Variants in OLFM3 observed in about 807,000 individuals in gnomAD.
OLFM3 encodes the protein noelin-3.
A neutral mutation model predicts 48.6 loss-of-function variants in OLFM3; 20 were observed. The ratio of observed to expected loss-of-function variants is 0.41; its 90% confidence interval spans 0.29 to 0.60. The LOEUF (loss-of-function observed/expected upper bound fraction) is 0.60. Ranked by LOEUF, OLFM3 falls within the 20% of genes least tolerant of loss-of-function variation. The pLI is 0.28. For missense variants in OLFM3, 437 were observed against 544.3 expected (o/e 0.80, Z 1.96); for synonymous variants, 222 against 198.1 (o/e 1.12, Z -1.01).
At chr1:101,877,544 T>A (rs1446146602) in intron 1 of OLFM3, among the ~76,000 whole-genome samples, 1 of 151,974 alleles carries the variant, frequency 6.6e-6, no homozygotes, top group Admixed American at 6.6e-5. Context: ...AAGTTACTTT[T>A]GTATATTTTA....
chr1:101,941,612 G>A (rs1016405387), intron 1 of OLFM3, among the ~76,000 whole-genome samples: 4 of 152,148 alleles, frequency 2.6e-5, no homozygotes, highest in African/African-American at 9.7e-5. Flanking sequence ...GGGAAATCTA[G>A]AGACATCACA....
intron 1 of OLFM3, among the ~76,000 whole-genome samples, chr1:101,912,911 CA>C (rs1570624752): frequency 1.3e-5 from 2 of 152,100 alleles, no homozygotes. Flanking sequence ...ATAAAAAACA[CA>C]GGGAAGGAAG....
In OLFM3 at chr1:101,830,571, A is replaced by T. The variant is rs111360955; in HGVS notation, c.372+101T>A. 3.4e-3 allele frequency: 4,210 copies of T among 1,242,568 alleles called. 36 individuals are homozygous for T. The highest frequency in any genetic ancestry group is 3.3e-3 in the Admixed American group (183 of 55,408). The allele number at this position is 1,242,568 out of a possible 1,614,324, so 77.0% of individuals were successfully genotyped here. A position where few individuals can be genotyped will look rare whatever the true frequency, so the allele number is the denominator to read the frequency against. On this transcript the variant is annotated intron_variant, in intron 3 of 5. Coordinates refer to ENST00000370103, the MANE Select transcript of OLFM3 (RefSeq NM_058170.4). Reference sequence around the variant, plus strand: ...CCCCCATGAGTCTTTTACCTTGCACATATGGGCCAATGCACATTCATTTCT... The same window carrying T: ...CCCCCATGAGTCTTTTACCTTGCACTTATGGGCCAATGCACATTCATTTCT...
chr1:101,893,182 A>G lies in OLFM3; in HGVS notation c.70-56157T>C, dbSNP rs1034069201. ...TCAGTAACCTTAGAAGATTTATATG[A>G]TGCTGCAACAAGAAAACAGGCTCTG... On this transcript the variant is annotated intron_variant, in intron 1 of 5. Coordinates refer to ENST00000370103, the MANE Select transcript of OLFM3 (RefSeq NM_058170.4). 4.4e-5 allele frequency: 13 copies of G among 295,254 alleles called. 1 individual carries two copies. The highest frequency in any genetic ancestry group is 1.3e-3 in the Middle Eastern group (1 of 778). 18.3% of individuals were successfully genotyped at this position (295,254 alleles called of 1,614,324 possible). A position where few individuals can be genotyped will look rare whatever the true frequency, so the allele number is the denominator to read the frequency against.
At chr1:101,828,009 GCTCTCTCT>G (rs71655097) in intron 3 of OLFM3, among the ~76,000 whole-genome samples, 6 of 135,974 alleles carry the variant, frequency 4.4e-5, no homozygotes, top group South Asian at 2.4e-4. Context: ...CTGCATTCAT[GCTCTCTCT>G]CTCTCTCTCT....
chr1:101,996,331 T>G (rs1661555098), intron 1 of OLFM3, among the ~76,000 whole-genome samples: 1 of 152,196 alleles, frequency 6.6e-6, no homozygotes, highest in South Asian at 2.1e-4. Context: ...CAGGATCAGC[T>G]GGAAAACGCT....
chr1:101,818,241 G>C (rs538103764), intron 4 of OLFM3, among the ~76,000 whole-genome samples: 47 of 151,972 alleles, frequency 3.1e-4, no homozygotes, highest in African/African-American at 1.1e-3. Context: ...ACTTGACTTT[G>C]GAAATACAGG....
At chr1:101,839,985 C>T (rs1557697501) in intron 1 of OLFM3, among the ~76,000 whole-genome samples, 2 of 152,178 alleles carry the variant, frequency 1.3e-5, no homozygotes, top group South Asian at 2.1e-4. Context: ...GAGTGCTTGA[C>T]AGTCCTGTGG....
At chr1:101,807,485 A>G (rs1160336383) in intron 4 of OLFM3, among the ~76,000 whole-genome samples, 2 of 151,744 alleles carry the variant, frequency 1.3e-5, no homozygotes, top group East Asian at 3.9e-4. Context: ...AAAGAAAAGA[A>G]CACATACCCA....
chr1:101,994,305 CA>C (rs1433312148), intron 1 of OLFM3, among the ~76,000 whole-genome samples: 1 of 150,726 alleles, frequency 6.6e-6, no homozygotes, highest in Non-Finnish European at 1.5e-5. Context: ...TATTAGTATG[CA>C]AAAAGGCAGT....
At chr1:101,988,902 T>C (rs1661322944) in intron 1 of OLFM3, among the ~76,000 whole-genome samples, 1 of 152,106 alleles carries the variant, frequency 6.6e-6, no homozygotes, top group South Asian at 2.1e-4. Context: ...TGATTAGGAA[T>C]TGTTTTGCAA....
intron 4 of OLFM3, among the ~76,000 whole-genome samples, chr1:101,821,743 G>T (rs192846202): frequency 1.8e-4 from 27 of 152,090 alleles, no homozygotes; most frequent in African/African-American, 6.3e-4. Flanking sequence ...TGAAATGTGG[G>T]AACTATTTTC....
At chr1:101,883,091 T>G (rs1451984895) in intron 1 of OLFM3, among the ~76,000 whole-genome samples, 1 of 151,766 alleles carries the variant, frequency 6.6e-6, no homozygotes, top group Admixed American at 6.6e-5. Context: ...GAAGATCAAG[T>G]GAGCCTAAGG....
intron 1 of OLFM3, among the ~76,000 whole-genome samples, chr1:101,940,182 G>A (rs1387084507): frequency 6.6e-6 from 1 of 151,938 alleles, no homozygotes; most frequent in African/African-American, 2.4e-5. Flanking sequence ...GATGTTTCCA[G>A]CCAGTAATAT....
chr1:101,963,848 T>C (rs1660536111), intron 1 of OLFM3, among the ~76,000 whole-genome samples: 2 of 152,144 alleles, frequency 1.3e-5, no homozygotes, highest in South Asian at 4.1e-4. Flanking sequence ...TTTTTTTTTC[T>C]TTTACACTGT....
chr1:101,829,541 T>C (rs1286728739), intron 3 of OLFM3, among the ~76,000 whole-genome samples: 1 of 152,212 alleles, frequency 6.6e-6, no homozygotes, highest in South Asian at 2.1e-4. Context: ...TACAAAACCA[T>C]GAAACTTTCT....
At chr1:101,837,374 A>G (rs1378057351) in intron 1 of OLFM3, among the ~76,000 whole-genome samples, 1 of 152,158 alleles carries the variant, frequency 6.6e-6, no homozygotes, top group Non-Finnish European at 1.5e-5. Flanking sequence ...GTCTTTCTAC[A>G]TAAGATCTTC....
chr1:101,836,740 G>T, intron 2 of OLFM3, 139 bp downstream of exon 2: 1 of 808,652 alleles, frequency 1.2e-6, no homozygotes, highest in Non-Finnish European at 2.0e-6. Flanking sequence ...CCCTTTCAAG[G>T]ATCAGAAAAA....
rs1048361355 is a variant in OLFM3 at position 101,927,342 on chromosome 1, A to T, written c.69+69406T>A. On this transcript the variant is annotated intron_variant, in intron 1 of 5. Coordinates refer to ENST00000370103, the MANE Select transcript of OLFM3 (RefSeq NM_058170.4). The stretch of plus-strand genomic sequence containing the variant: ...TAATCTAGAATATAGATTTTTTATC[A>T]TTCTTAAAAAAATAATCCATTCAAA... Among the ~76,000 whole-genome samples, 2 of 152,246 alleles carry T rather than the reference A, an allele frequency of 1.3e-5. 1 individual carries two copies. Among genetic ancestry groups the T allele is most frequent in the Middle Eastern group, 6.8e-3 (2 of 294 alleles).
Sources: allele counts gnomAD v4.1 joint callset (sites outside exome capture counted in the v4.1 genomes callset), GRCh38; gene constraint gnomAD v4.1.1; transcripts MANE v1.5; gene names NCBI Gene and HGNC (gene_info 2026-07-23, HGNC 2026-07-21).